The following CHCHD6 variants were observed in gnomAD, a reference collection of about 807,000 sequenced individuals.
The protein encoded by CHCHD6 is coiled-coil-helix-coiled-coil-helix domain containing 6.
In CHCHD6, 28 loss-of-function variants were observed where a neutral mutation model predicts 32.3. The observed-to-expected ratio is 0.87, with a 90% CI of 0.64 to 1.19. The LOEUF is 1.19. Ranked by LOEUF, CHCHD6 falls within the 50% of genes most tolerant of loss-of-function variation. The pLI, the probability that CHCHD6 is intolerant of heterozygous loss-of-function variation, is 0.00. For synonymous variants in CHCHD6, 122 were observed against 117.5 expected, an observed-to-expected ratio of 1.04 and a Z score of -0.25; for missense variants, 333 against 307.0, an observed-to-expected ratio of 1.08 and a Z score of -0.63.
chr3:126,719,959 CAACCTCCACCTCCTGGGGTCA>C (rs1164864800), intron 1 of CHCHD6, among the ~76,000 whole-genome samples: 1 of 152,136 alleles, frequency 6.6e-6, no homozygotes, highest in African/African-American at 2.4e-5. Flanking sequence ...CAGCTTACTG[CAACCTCCACCTCCTGGGGTCA>C]AATGATTCTC....
At position 126,913,207 on chromosome 3, in the gene CHCHD6, C is replaced by CTTTTTTTTTT. The variant is rs546179022; in HGVS notation, c.496-1445_496-1436dup. On this transcript the variant is annotated intron_variant, in intron 5 of 7. Coordinates refer to ENST00000290913, the MANE Select transcript of CHCHD6 (RefSeq NM_032343.3). The stretch of plus-strand genomic sequence containing the variant: ...GGATAATCATGCTGCCCGTATGAGC[C>CTTTTTTTTTT]TTTTTTTTTTTTTTTTTTTTTTTTT... Among the ~76,000 whole-genome samples, 6 of 33,786 alleles carry CTTTTTTTTTT rather than the reference C, an allele frequency of 1.8e-4. 3 individuals carry two copies. Among genetic ancestry groups the CTTTTTTTTTT allele is most frequent in the African/African-American group, 5.2e-4 (4 of 7,642 alleles). The allele number at this position is 33,786 out of a possible 152,430, so 22.2% of individuals were successfully genotyped here.
chr3:126,833,047 A>G (rs1940704973), intron 4 of CHCHD6, among the ~76,000 whole-genome samples: 1 of 152,224 alleles, frequency 6.6e-6, no homozygotes, highest in African/African-American at 2.4e-5. Context: ...GCACATAGTG[A>G]CACAGTATTC....
intron 4 of CHCHD6, among the ~76,000 whole-genome samples, chr3:126,762,408 T>C (rs1486588909): frequency 2.0e-5 from 3 of 152,218 alleles, no homozygotes; most frequent in African/African-American, 4.8e-5. Flanking sequence ...AAATTGGTTG[T>C]TGAGTATGTG....
intron 5 of CHCHD6, among the ~76,000 whole-genome samples, chr3:126,874,663 T>G (rs1418270401): frequency 6.6e-6 from 1 of 152,212 alleles, no homozygotes; most frequent in Non-Finnish European, 1.5e-5. Flanking sequence ...ACTTCCTAAA[T>G]ATTTATGAAC....
intron 4 of CHCHD6, among the ~76,000 whole-genome samples, chr3:126,733,597 AAT>A (rs963005921): frequency 5.4e-4 from 83 of 152,332 alleles, no homozygotes; most frequent in African/African-American, 1.9e-3. Context: ...GGAGCCATGT[AAT>A]ATATGACAGG....
At chr3:126,890,384 C>T (rs2077740520) in intron 5 of CHCHD6, among the ~76,000 whole-genome samples, 1 of 152,128 alleles carries the variant, frequency 6.6e-6, no homozygotes, top group African/African-American at 2.4e-5. Flanking sequence ...CCTTGGTTTT[C>T]GCTTGGTGTG....
At chr3:126,946,849 C>G (rs1025796898) in intron 6 of CHCHD6, among the ~76,000 whole-genome samples, 4 of 152,192 alleles carry the variant, frequency 2.6e-5, no homozygotes, top group African/African-American at 9.7e-5. Flanking sequence ...TGTATTCACC[C>G]CCCTGCTGAT....
intron 6 of CHCHD6, among the ~76,000 whole-genome samples, chr3:126,954,987 G>A (rs901268294): frequency 1.2e-4 from 19 of 152,236 alleles, no homozygotes; most frequent in African/African-American, 3.9e-4. Context: ...AGGCCTCTGC[G>A]ATGGAGGCAG....
intron 5 of CHCHD6, among the ~76,000 whole-genome samples, chr3:126,914,352 C>G (rs2078138634): frequency 6.6e-6 from 1 of 152,162 alleles, no homozygotes; most frequent in Non-Finnish European, 1.5e-5. Context: ...CAGCCACAGA[C>G]AATATGTGAA....
chr3:126,957,726 T>A (rs2078807016), intron 7 of CHCHD6, 175 bp downstream of exon 7: 6 of 766,388 alleles, frequency 7.8e-6, no homozygotes, highest in South Asian at 3.3e-5. Context: ...ACCTGCACAC[T>A]CTCCTGGCTG....
intron 1 of CHCHD6, among the ~76,000 whole-genome samples, chr3:126,712,319 A>AGTAGT (rs1295619201): frequency 5.3e-5 from 8 of 152,338 alleles, no homozygotes; most frequent in African/African-American, 1.9e-4. Flanking sequence ...ATACAATCTA[A>AGTAGT]GTAGTACAAG....
chr3:126,878,117 G>A (rs1449422957), intron 5 of CHCHD6, among the ~76,000 whole-genome samples: 7 of 152,170 alleles, frequency 4.6e-5, no homozygotes, highest in African/African-American at 1.7e-4. Flanking sequence ...GTGCAAAAAT[G>A]GAATGGAGGA....
chr3:126,906,882 G>C (rs2078015650), intron 5 of CHCHD6, among the ~76,000 whole-genome samples: 1 of 152,208 alleles, frequency 6.6e-6, no homozygotes, highest in African/African-American at 2.4e-5. Context: ...AGCACGTTCA[G>C]GGAAGGGGGA....
chr3:126,808,900 A>G (rs1305373093), intron 4 of CHCHD6, among the ~76,000 whole-genome samples: 3 of 152,118 alleles, frequency 2.0e-5, no homozygotes, highest in Non-Finnish European at 4.4e-5. Flanking sequence ...CTCTCATAAT[A>G]AGCAGATGTT....
chr3:126,730,473 A>C (rs1935741127), intron 2 of CHCHD6, 88 bp from the exon 3 acceptor site: 4 of 1,073,826 alleles, frequency 3.7e-6, no homozygotes, highest in Admixed American at 1.9e-5. Context: ...ACATTCATTC[A>C]TGGGGGTCAT....
At chr3:126,824,560 C>CAAAAAA (rs71150454) in intron 4 of CHCHD6, among the ~76,000 whole-genome samples, 6,171 of 39,786 alleles carry the variant, frequency 0.16, 1,265 homozygotes, top group East Asian at 0.33. Context: ...GACTCTGTCT[C>CAAAAAA]AAAAAAAAAA....
At chr3:126,862,353 TATCACCACC>T (rs1941945291) in intron 5 of CHCHD6, among the ~76,000 whole-genome samples, 1 of 10,322 alleles carries the variant, frequency 9.7e-5, no homozygotes, top group African/African-American at 4.0e-4. Context: ...CCTCCCCCAC[TATCACCACC>T]TCCTCCACCA....
At chr3:126,853,435 A>G (rs1406938808) in intron 5 of CHCHD6, among the ~76,000 whole-genome samples, 3 of 152,112 alleles carry the variant, frequency 2.0e-5, no homozygotes, top group East Asian at 3.8e-4. Flanking sequence ...CAGCATGCCA[A>G]GCAACCTGAG....
intron 1 of CHCHD6, among the ~76,000 whole-genome samples, chr3:126,708,012 C>T (rs1401767467): frequency 6.6e-6 from 1 of 152,180 alleles, no homozygotes; most frequent in Non-Finnish European, 1.5e-5. Context: ...GAGACACAGG[C>T]AAAAGACTCA....
Sources: allele counts gnomAD v4.1 joint callset (sites outside exome capture counted in the v4.1 genomes callset), GRCh38; gene constraint gnomAD v4.1.1; transcripts MANE v1.5; gene names NCBI Gene and HGNC (gene_info 2026-07-23, HGNC 2026-07-21).